Variants in COG5 observed in about 807,000 individuals in gnomAD.
COG5 encodes conserved oligomeric Golgi complex subunit 5.
A neutral mutation model predicts 110.4 loss-of-function variants in COG5; 86 were observed. The observed-to-expected ratio is 0.78, with a 90% confidence interval of 0.65 to 0.93. The LOEUF (loss-of-function observed/expected upper bound fraction) is 0.93, where lower values mean the gene tolerates loss of function less well. COG5 is among the 40% of genes least tolerant of loss of function. The pLI is 0.00. For synonymous variants in COG5, 360 were observed against 334.6 expected (o/e 1.08, Z -0.83); for missense variants, 1,077 against 987.0 (o/e 1.09, Z -1.22).
chr7:107,545,955 T>C (rs1438878908), intron 5 of COG5, among the ~76,000 whole-genome samples: 2 of 152,228 alleles, frequency 1.3e-5, no homozygotes, highest in African/African-American at 4.8e-5. Context: ...TTTTTCAGGA[T>C]AGATCATATG....
rs200066090 is a variant in COG5, at chr7:107,258,463, T to TACAC, written c.1576-84_1576-81dup. 2.3e-3 allele frequency: 1,421 copies of TACAC among 609,178 alleles called. 6 individuals carry two copies. Among genetic ancestry groups the TACAC allele is most frequent in the South Asian group, 0.016 (876 of 53,158 alleles). 37.7% of individuals were successfully genotyped at this position (609,178 alleles called of 1,614,324 possible). A position where few individuals can be genotyped will look rare whatever the true frequency, so the allele number is the denominator to read the frequency against. ...TCTCTCTCTCTCTCACACACACACA[T>TACAC]ACACACACACACACACATTCTTTAA... On this transcript the variant is annotated intron_variant, in intron 14 of 21. Transcript: ENST00000297135.
At position 107,258,425 on chromosome 7, in the gene COG5, T is replaced by TTC. The variant is rs71134258; in HGVS notation, c.1576-44_1576-43dup. 0.013 allele frequency: 11,401 copies of TTC among 884,196 alleles called. 44 individuals are homozygous for TTC. Among genetic ancestry groups the TTC allele is most frequent in the African/African-American group, 0.038 (2,240 of 59,646 alleles). The allele number at this position is 884,196 out of a possible 1,614,324, so 54.8% of individuals were successfully genotyped here. A position where few individuals can be genotyped will look rare whatever the true frequency, so the allele number is the denominator to read the frequency against. On this transcript the variant is annotated intron_variant, in intron 14 of 21. Coordinates refer to ENST00000297135, the MANE Select transcript of COG5 (RefSeq NM_006348.5). ...TCAAAAGAATGTGTCAGAATGATAA[T>TTC]TCTCTCTCTCTCTCTCTCTCTCTCT...
intron 10 of COG5, among the ~76,000 whole-genome samples, chr7:107,347,101 C>T (rs1049405476): frequency 6.6e-6 from 1 of 152,086 alleles, no homozygotes; most frequent in African/African-American, 2.4e-5. Context: ...GAGAGACAAA[C>T]AGAAAGTTAT....
chr7:107,381,093 A>G (rs1815078942), intron 7 of COG5, among the ~76,000 whole-genome samples: 1 of 152,156 alleles, frequency 6.6e-6, no homozygotes, highest in Non-Finnish European at 1.5e-5. Context: ...TATTAATTAA[A>G]TTCAAAAGGT....
chr7:107,319,819 T>C (rs1251043826), intron 11 of COG5, among the ~76,000 whole-genome samples: 2 of 152,078 alleles, frequency 1.3e-5, no homozygotes, highest in African/African-American at 4.8e-5. Flanking sequence ...CATCACCTGC[T>C]GGGTGTGGTA....
chr7:107,414,559 A>G (rs1239515027), intron 6 of COG5, among the ~76,000 whole-genome samples: 1 of 152,034 alleles, frequency 6.6e-6, no homozygotes, highest in Non-Finnish European at 1.5e-5. Context: ...AATAGTACAC[A>G]TGGCTACCGG....
At chr7:107,512,186 A>G (rs1042940357) in intron 6 of COG5, among the ~76,000 whole-genome samples, 1 of 152,240 alleles carries the variant, frequency 6.6e-6, no homozygotes, top group African/African-American at 2.4e-5. Context: ...CTGATAAGCA[A>G]CTTCAGCAAA....
chr7:107,337,435 C>T (rs2129034153), intron 10 of COG5, among the ~76,000 whole-genome samples: 1 of 152,294 alleles, frequency 6.6e-6, no homozygotes, highest in South Asian at 2.1e-4. Context: ...GACACATATA[C>T]ACAATGGAAT....
chr7:107,424,571 T>C (rs184066379), intron 6 of COG5, among the ~76,000 whole-genome samples: 3 of 152,114 alleles, frequency 2.0e-5, no homozygotes, highest in Admixed American at 1.3e-4. Context: ...CTATGGGGTT[T>C]ATTCAACCCC....
chr7:107,463,365 G>A (rs1213608998), intron 6 of COG5, among the ~76,000 whole-genome samples: 1 of 152,182 alleles, frequency 6.6e-6, no homozygotes, highest in Non-Finnish European at 1.5e-5. Flanking sequence ...CAGTCATGGA[G>A]CCTTTAACCA....
chr7:107,385,212 G>T lies in COG5; in HGVS notation c.670-12452C>A, dbSNP rs574389035. Among the ~76,000 whole-genome samples the T allele has an allele frequency of 8.5e-5, 13 of 152,266 alleles. No homozygotes were observed. In the South Asian group the frequency reaches 2.7e-3, roughly 32 times the overall value. ...GGAATACCCAGGATTGAGATTGATG[G>T]GAACCACCAGAACCTCACAAGAGGC... On this transcript the variant is annotated intron_variant, in intron 7 of 21. Transcript: ENST00000297135.
intron 1 of COG5, among the ~76,000 whole-genome samples, chr7:107,563,322 G>A (rs977083927): frequency 6.6e-6 from 1 of 152,034 alleles, no homozygotes; most frequent in Non-Finnish European, 1.5e-5. Context: ...CAGCCTGTAA[G>A]AGGGGTCACC....
intron 7 of COG5, among the ~76,000 whole-genome samples, chr7:107,390,337 C>T (rs1209604927): frequency 6.6e-6 from 1 of 152,134 alleles, no homozygotes; most frequent in Non-Finnish European, 1.5e-5. Context: ...TCTAATGAAC[C>T]TCTCTTACGG....
At chr7:107,364,260 C>T (rs1813399654) in intron 8 of COG5, among the ~76,000 whole-genome samples, 1 of 152,020 alleles carries the variant, frequency 6.6e-6, no homozygotes, top group African/African-American at 2.4e-5. Context: ...TGAGGCTCTC[C>T]AAAAAATGTT....
At chr7:107,348,780 T>C (rs542085333) in intron 10 of COG5, among the ~76,000 whole-genome samples, 1 of 152,310 alleles carries the variant, frequency 6.6e-6, no homozygotes, top group Non-Finnish European at 1.5e-5. Flanking sequence ...CATGGCTCTG[T>C]ACCACTAAAT....
intron 19 of COG5, among the ~76,000 whole-genome samples, chr7:107,227,437 T>C (rs1280203032): frequency 6.6e-6 from 1 of 152,180 alleles, no homozygotes; most frequent in Non-Finnish European, 1.5e-5. Flanking sequence ...ATTAAAATTA[T>C]ACATTGATCA....
At chr7:107,356,030 C>T (rs1157323521) in intron 10 of COG5, among the ~76,000 whole-genome samples, 1 of 152,034 alleles carries the variant, frequency 6.6e-6, no homozygotes, top group African/African-American at 2.4e-5. Flanking sequence ...ACTTTCTGCT[C>T]AATATTTTGT....
intron 7 of COG5, among the ~76,000 whole-genome samples, chr7:107,382,252 A>C: frequency 6.6e-6 from 1 of 152,194 alleles, no homozygotes; most frequent in East Asian, 1.9e-4. Flanking sequence ...AGGCTCACCC[A>C]AATCACAGGT....
intron 21 of COG5, among the ~76,000 whole-genome samples, chr7:107,205,666 C>A (rs973283105): frequency 6.6e-6 from 1 of 152,192 alleles, no homozygotes; most frequent in Non-Finnish European, 1.5e-5. Context: ...CCTTAGAATA[C>A]CCTTCCTTGC....
Sources: allele counts gnomAD v4.1 joint callset (sites outside exome capture counted in the v4.1 genomes callset), GRCh38; gene constraint gnomAD v4.1.1; transcripts MANE v1.5; gene names NCBI Gene and HGNC (gene_info 2026-07-23, HGNC 2026-07-21).